TMOD3: variants seen among roughly 807,000 people sequenced by gnomAD.
The protein encoded by TMOD3 is tropomodulin-3.
TMOD3 carries 20 observed loss-of-function variants against 39.2 expected under a neutral mutation model. The observed-to-expected ratio is 0.51, with a 90% CI of 0.36 to 0.74. TMOD3 has a LOEUF of 0.74. TMOD3 is among the 30% of genes least tolerant of loss of function. The pLI is 0.00. For synonymous variants in TMOD3, 143 were observed against 145.8 expected (o/e 0.98, Z 0.14); for missense variants, 381 against 412.8 (o/e 0.92, Z 0.67).
intron 9 of TMOD3, among the ~76,000 whole-genome samples, chr15:51,903,022 G>A (rs1034001748): frequency 3.0e-4 from 45 of 152,122 alleles, no homozygotes; most frequent in African/African-American, 9.4e-4. Flanking sequence ...TTGACCTCAC[G>A]ATCCACCCGC....
intron 3 of TMOD3, among the ~76,000 whole-genome samples, chr15:51,886,415 G>T (rs371899815): frequency 5.3e-5 from 8 of 152,222 alleles, no homozygotes; most frequent in Non-Finnish European, 1.2e-4. Flanking sequence ...CTGCAATCCC[G>T]GCACCTCGGG....
intron 3 of TMOD3, 30 bp from the exon 4 acceptor site, chr15:51,887,559 A>T (rs1022687808): frequency 6.2e-7 from 1 of 1,605,350 alleles, no homozygotes. Flanking sequence ...AGCAGTAGTA[A>T]TGGAATTAAC....
intron 3 of TMOD3, among the ~76,000 whole-genome samples, chr15:51,886,441 G>A (rs2056564019): frequency 6.6e-6 from 1 of 152,256 alleles, no homozygotes; most frequent in African/African-American, 2.4e-5. Context: ...GAGGCGGGCA[G>A]ATCACTCACG....
chr15:51,862,836 C>T lies in TMOD3; in HGVS notation c.-49C>T, dbSNP rs913287424. ...CTTTAAGAAAAAGTAGAGATCACTT[C>T]TGACTGTACTGAACAGCAAAAATTA... On this transcript the variant is annotated 5_prime_UTR_variant, in exon 2 of 10. Transcript: ENST00000308580. 6.4e-7 allele frequency: 1 copy of T among 1,567,606 alleles called. No homozygotes were observed. The highest frequency in any genetic ancestry group is 1.4e-5 in the African/African-American group (1 of 72,622).
At chr15:51,890,953 G>A (rs528895201) in intron 5 of TMOD3, among the ~76,000 whole-genome samples, 19 of 151,662 alleles carry the variant, frequency 1.3e-4, no homozygotes, top group African/African-American at 4.4e-4. Context: ...TTTTCTTGAC[G>A]TATTTTAAAG....
At position 51,908,758 on chromosome 15, in the gene TMOD3, CT is replaced by C; in HGVS notation, c.1025-14del. 6.3e-7 allele frequency: 1 copy of C among 1,587,664 alleles called. No individual in the cohort carries two copies. Among genetic ancestry groups the C allele is most frequent in the Non-Finnish European group, 8.6e-7 (1 of 1,169,370 alleles). ...CTAATAGGGATTTCTAACATAGTTT[CT>C]TTTATTTTTCTCATAGTGCGTAAGA... On this transcript the variant is annotated splice_polypyrimidine_tract_variant and intron_variant, in intron 9 of 9. Transcript: ENST00000308580.
chr15:51,890,443 C>T (rs971866591), intron 5 of TMOD3, among the ~76,000 whole-genome samples: 1 of 151,344 alleles, frequency 6.6e-6, no homozygotes, highest in East Asian at 1.9e-4. Flanking sequence ...TCCCAAAGTG[C>T]TGGGATTACA....
intron 1 of TMOD3, among the ~76,000 whole-genome samples, chr15:51,844,259 G>A (rs773835740): frequency 6.6e-6 from 1 of 152,084 alleles, no homozygotes; most frequent in African/African-American, 2.4e-5. Flanking sequence ...AAAGTTGATT[G>A]TTTAGATTTG....
intron 2 of TMOD3, among the ~76,000 whole-genome samples, chr15:51,868,249 A>C: frequency 6.6e-6 from 1 of 152,348 alleles, no homozygotes; most frequent in Non-Finnish European, 1.5e-5. Context: ...TTGTAATAGA[A>C]TTATTCTCTG....
intron 3 of TMOD3, among the ~76,000 whole-genome samples, chr15:51,877,001 T>C (rs942359029): frequency 1.3e-5 from 2 of 152,122 alleles, no homozygotes; most frequent in Non-Finnish European, 2.9e-5. Flanking sequence ...AGTTCATTGC[T>C]GCAGTGATCC....
intron 8 of TMOD3, 125 bp downstream of exon 8, chr15:51,900,423 A>T: frequency 9.5e-7 from 1 of 1,048,804 alleles, no homozygotes; most frequent in Non-Finnish European, 1.4e-6. Flanking sequence ...GCTGGGCTGA[A>T]AGGAGAGCTG....
chr15:51,868,301 CT>C (rs201080091), intron 2 of TMOD3, among the ~76,000 whole-genome samples: 2 of 131,902 alleles, frequency 1.5e-5, no homozygotes, highest in Non-Finnish European at 1.7e-5. Flanking sequence ...ATTAATAAAA[CT>C]TTTTAAAAAA....
At position 51,908,899 on chromosome 15, in the gene TMOD3, G is replaced by T; in HGVS notation, c.*89G>T. 1 of 1,085,642 alleles carries T rather than the reference G, an allele frequency of 9.2e-7. No individual in the cohort carries two copies. The highest frequency in any genetic ancestry group is 1.3e-6 in the Non-Finnish European group (1 of 770,860). 67.3% of individuals were successfully genotyped at this position (1,085,642 alleles called of 1,614,324 possible). On this transcript the variant is annotated 3_prime_UTR_variant, in exon 10 of 10. Coordinates refer to ENST00000308580, the MANE Select transcript of TMOD3 (RefSeq NM_014547.5). ...CATGTAAAATTTTCCTGGGTAGAAG[G>T]GAAAAGACTGGAAAAATTTTTTTAG...
At chr15:51,864,899 C>CG in intron 2 of TMOD3, among the ~76,000 whole-genome samples, 1 of 152,166 alleles carries the variant, frequency 6.6e-6, no homozygotes, top group Non-Finnish European at 1.5e-5. Flanking sequence ...GGGGATAGTG[C>CG]GCTCTCTAGC....
chr15:51,882,476 G>C (rs1466935147), intron 3 of TMOD3, among the ~76,000 whole-genome samples: 1 of 152,046 alleles, frequency 6.6e-6, no homozygotes, highest in East Asian at 1.9e-4. Context: ...TCCAGCCTGG[G>C]TGACCGAGTG....
intron 1 of TMOD3, among the ~76,000 whole-genome samples, chr15:51,856,952 G>A (rs2056390839): frequency 6.6e-6 from 1 of 152,170 alleles, no homozygotes. Context: ...TCACGCATGT[G>A]TACCAGGAAA....
At chr15:51,891,723 T>TTACTTGGGAGGCTGAGGC (rs1555387959) in intron 5 of TMOD3, among the ~76,000 whole-genome samples, 1 of 152,274 alleles carries the variant, frequency 6.6e-6, no homozygotes. Context: ...AAATTAGAAC[T>TTACTTGGGAGGCTGAGGC]ATTCAATTTT....
intron 3 of TMOD3, among the ~76,000 whole-genome samples, chr15:51,885,341 G>C (rs1000222442): frequency 1.7e-4 from 25 of 150,640 alleles, no homozygotes; most frequent in African/African-American, 5.4e-4. Flanking sequence ...CTCGGAGAGG[G>C]GGACTTGGCA....
chr15:51,835,076 A>G (rs1442439708), intron 1 of TMOD3: 2 of 152,262 alleles, frequency 1.3e-5, no homozygotes, highest in Admixed American at 6.5e-5. Flanking sequence ...TTTGAATTTT[A>G]AATGGCTTTT....
Sources: allele counts gnomAD v4.1 joint callset (sites outside exome capture counted in the v4.1 genomes callset), GRCh38; gene constraint gnomAD v4.1.1; transcripts MANE v1.5; gene names NCBI Gene and HGNC (gene_info 2026-07-23, HGNC 2026-07-21).